The following ENOSF1 variants were observed in gnomAD, a reference collection of about 807,000 sequenced individuals.
ENOSF1 encodes enolase superfamily member 1.
ENOSF1 carries 73 observed loss-of-function variants against 68.2 expected under a neutral mutation model. The observed-to-expected ratio is 1.07, with a 90% CI of 0.89 to 1.30. The LOEUF (loss-of-function observed/expected upper bound fraction) is 1.30, where lower values mean the gene tolerates loss of function less well. Ranked by LOEUF, ENOSF1 falls within the 50% of genes most tolerant of loss-of-function variation. The pLI is 0.00. For missense variants in ENOSF1, 589 were observed against 554.5 expected (o/e 1.06, Z -0.62); for synonymous variants, 223 against 210.4 (o/e 1.06, Z -0.52).
intron 5 of ENOSF1, chr18:693,173 C>G: frequency 7.8e-7 from 1 of 1,289,148 alleles, no homozygotes; most frequent in Non-Finnish European, 1.0e-6. Flanking sequence ...CAGTTGTTCA[C>G]CCCTGCTATG....
intron 11 of ENOSF1, among the ~76,000 whole-genome samples, chr18:681,260 C>A (rs911555685): frequency 3.3e-5 from 5 of 152,236 alleles, no homozygotes; most frequent in African/African-American, 7.2e-5. Context: ...ACGTGGCAGC[C>A]TGTCCCTGGC....
intron 2 of ENOSF1, among the ~76,000 whole-genome samples, chr18:700,890 C>CAA (rs71174273): frequency 0.025 from 1,590 of 63,904 alleles, 54 homozygotes; most frequent in African/African-American, 0.041. Flanking sequence ...AACTCTGCCT[C>CAA]AAAAAAAAAA....
At chr18:711,424 A>G (rs966003006) in intron 1 of ENOSF1, among the ~76,000 whole-genome samples, 1 of 151,968 alleles carries the variant, frequency 6.6e-6, no homozygotes, top group Non-Finnish European at 1.5e-5. Flanking sequence ...CCGTGACCCC[A>G]TTTCCTTCCC....
chr18:675,800 G>C (rs2075444783), intron 14 of ENOSF1, among the ~76,000 whole-genome samples: 1 of 144,602 alleles, frequency 6.9e-6, no homozygotes, highest in Admixed American at 6.9e-5. Context: ...GGCTGCAGCA[G>C]CTGCCAGGGG....
chr18:667,553 AGATGGTGATGGTGATGGAGATGGT>A (rs1567990945), downstream of ENOSF1, among the ~76,000 whole-genome samples: 49 of 18,594 alleles, frequency 2.6e-3, 9 homozygotes, highest in Non-Finnish European at 3.7e-3. Context: ...ATGGTGATGG[AGATGGTGATGGTGATGGAGATGGT>A]GATGGTGATG....
At position 673,342 on chromosome 18, in the gene ENOSF1, G is replaced by C; in HGVS notation, c.*963C>G. Reference sequence around the variant, plus strand: ...TTGGTGAATTTCACAAGCTATTTTTGGAATATTTTTAGAATATTTTAAGAA... The same window carrying C: ...TTGGTGAATTTCACAAGCTATTTTTCGAATATTTTTAGAATATTTTAAGAA... On this transcript the variant is annotated 3_prime_UTR_variant, in exon 16 of 16. Coordinates refer to ENST00000647584, the MANE Select transcript of ENOSF1 (RefSeq NM_017512.7). 2 of 231,994 alleles carry C rather than the reference G, an allele frequency of 8.6e-6. 1 individual carries two copies. Among genetic ancestry groups the C allele is most frequent in the Non-Finnish European group, 1.7e-5 (2 of 117,828 alleles). The allele number at this position is 231,994 out of a possible 1,614,324, so 14.4% of individuals were successfully genotyped here.
chr18:678,269 CTG>C (rs1207448025), intron 12 of ENOSF1: 3 of 278,034 alleles, frequency 1.1e-5, no homozygotes, highest in East Asian at 9.1e-5. Context: ...GCCGGGAAAA[CTG>C]AGAATCAGCT....
In ENOSF1 at chr18:674,380, C is replaced by T; in HGVS notation, c.1257G>A (p.Lys419=). Residue 419 remains lysine (K), a synonymous_variant, in exon 16 of 16, where the codon AAG becomes AAA. Coordinates refer to ENST00000647584, the MANE Select transcript of ENOSF1 (RefSeq NM_017512.7). ...ACTGGTGTTTCTTTACAGATTCCTCCTTCATTTCTGTTGAGTAGCCGGGAT... is the reference window on the plus strand; with the variant it reads ...ACTGGTGTTTCTTTACAGATTCCTCTTTCATTTCTGTTGAGTAGCCGGGAT... ...PKDPGYSTEM[K]EESVKKHQYP... is the part of the protein sequence containing the mutation. The T allele has an allele frequency of 3.7e-6, 6 of 1,612,590 alleles. No individual in the cohort carries two copies. Among genetic ancestry groups the T allele is most frequent in the Admixed American group, 1.7e-5 (1 of 59,722 alleles).
chr18:712,048 G>GTGCGCTGTGCC (rs2079612870), intron 1 of ENOSF1, among the ~76,000 whole-genome samples: 1 of 152,192 alleles, frequency 6.6e-6, no homozygotes, highest in Non-Finnish European at 1.5e-5. Context: ...CTGTGCTCTA[G>GTGCGCTGTGCC]GGTTTCCACT....
chr18:711,829 C>T (rs1292964290), intron 1 of ENOSF1, among the ~76,000 whole-genome samples: 4 of 152,194 alleles, frequency 2.6e-5, no homozygotes, highest in Non-Finnish European at 5.9e-5. Flanking sequence ...TCATGTGACG[C>T]AGTTAGCACG....
intron 2 of ENOSF1, among the ~76,000 whole-genome samples, chr18:699,864 G>A (rs1414724060): frequency 6.6e-6 from 1 of 152,184 alleles, no homozygotes; most frequent in East Asian, 1.9e-4. Context: ...TGGATTGCCT[G>A]AGGTCAAGAG....
At chr18:709,014 C>T (rs1334145523) in intron 1 of ENOSF1, among the ~76,000 whole-genome samples, 1 of 152,078 alleles carries the variant, frequency 6.6e-6, no homozygotes, top group Admixed American at 6.5e-5. Flanking sequence ...AAAAGTGACT[C>T]GAAGCTTTTG....
intron 1 of ENOSF1, among the ~76,000 whole-genome samples, chr18:709,851 G>A (rs1362086800): frequency 6.6e-6 from 1 of 152,160 alleles, no homozygotes; most frequent in Non-Finnish European, 1.5e-5. Context: ...TCTGATCAGG[G>A]AGGCTCACTT....
At chr18:690,847 T>C in intron 7 of ENOSF1, 2 of 1,411,718 alleles carry the variant, frequency 1.4e-6, no homozygotes, top group Non-Finnish European at 1.9e-6. Context: ...CCCTACAGTG[T>C]AATCCTAAAG....
At chr18:688,708 G>A in intron 8 of ENOSF1, 100 bp from the exon 9 acceptor site, 1 of 1,057,282 alleles carries the variant, frequency 9.5e-7, no homozygotes, top group Non-Finnish European at 1.5e-6. Flanking sequence ...TACGGTTATA[G>A]CATAGACCAG....
intron 15 of ENOSF1, among the ~76,000 whole-genome samples, chr18:674,852 C>T (rs73368335): frequency 0.042 from 6,320 of 151,862 alleles, 437 homozygotes; most frequent in African/African-American, 0.15. Flanking sequence ...AGTTTGGAGA[C>T]TGTTGGAAAT....
chr18:681,848 C>A (rs2076113725), intron 11 of ENOSF1, among the ~76,000 whole-genome samples: 1 of 152,212 alleles, frequency 6.6e-6, no homozygotes, highest in Non-Finnish European at 1.5e-5. Flanking sequence ...AAGGGGAGGG[C>A]ATTTCTGAAA....
At chr18:693,597 G>A (rs1184641823) in intron 5 of ENOSF1, 21 of 985,270 alleles carry the variant, frequency 2.1e-5, no homozygotes, top group Non-Finnish European at 2.5e-5. Flanking sequence ...GTCATAGTCA[G>A]GCAATGGAGG....
intron 10 of ENOSF1, among the ~76,000 whole-genome samples, chr18:684,196 C>T (rs536753406): frequency 6.8e-4 from 103 of 151,956 alleles, no homozygotes; most frequent in African/African-American, 1.6e-3. Context: ...GGGGTTTCAC[C>T]ATGTTAGCCA....
Sources: gnomAD v4.1 joint callset for allele counts (sites outside exome capture counted in the v4.1 genomes callset) on GRCh38, gnomAD v4.1.1 for gene constraint, MANE v1.5 for transcripts, NCBI Gene and HGNC (gene_info 2026-07-23, HGNC 2026-07-21) for gene names.